The following FSTL5 variants were observed in gnomAD, a reference collection of about 807,000 sequenced individuals.
FSTL5 encodes follistatin-related protein 5.
In FSTL5, 62 loss-of-function variants were observed where a neutral mutation model predicts 89.1. The ratio of observed to expected loss-of-function variants is 0.70; its 90% CI spans 0.57 to 0.86. The LOEUF (loss-of-function observed/expected upper bound fraction) is 0.86. Among genes scored for constraint, FSTL5 ranks in the 40% least tolerant of loss-of-function variants. The probability of loss-of-function intolerance (pLI) is 0.00; values close to 1 mark genes in which losing one functional copy is unlikely to be tolerated. For missense variants in FSTL5, 1,057 were observed against 1,001.6 expected, an observed-to-expected ratio of 1.06 and a Z score of -0.75; for synonymous variants, 383 against 346.2, an observed-to-expected ratio of 1.11 and a Z score of -1.18.
chr4:161,478,748 C>T (rs1729392264), intron 13 of FSTL5, among the ~76,000 whole-genome samples: 1 of 151,788 alleles, frequency 6.6e-6, no homozygotes, highest in Admixed American at 6.6e-5. Context: ...TCTAGGTATG[C>T]CCACAAATGA....
intron 15 of FSTL5, among the ~76,000 whole-genome samples, chr4:161,424,543 A>T (rs1054246567): frequency 2.7e-5 from 4 of 146,740 alleles, no homozygotes; most frequent in African/African-American, 1.0e-4. Flanking sequence ...AAAAAAAAAA[A>T]TGGTTTTCTT....
Position 162,068,781 on chromosome 4 carries a change from G to A in FSTL5, c.127-35123C>T, listed in dbSNP as rs372421094. Among the ~76,000 whole-genome samples the A allele has an allele frequency of 4.6e-5, 7 of 151,960 alleles. No individual in the cohort carries two copies. The East Asian group carries it at 5.8e-4, about 13-fold the overall frequency. On this transcript the variant is annotated intron_variant, in intron 2 of 15. Transcript: ENST00000306100. ...ACTTACAGAGTGGGAGAAAATTTTT[G>A]CAATCTATCCATCGGACAAAGGTCT...
chr4:161,757,619 T>C (rs1740623007), intron 6 of FSTL5, among the ~76,000 whole-genome samples: 2 of 152,116 alleles, frequency 1.3e-5, no homozygotes, highest in South Asian at 4.2e-4. Flanking sequence ...TGTGTTCTTT[T>C]TATTTTTTTA....
At chr4:162,098,460 T>C (rs1196573043) in intron 2 of FSTL5, among the ~76,000 whole-genome samples, 1 of 152,032 alleles carries the variant, frequency 6.6e-6, no homozygotes, top group Non-Finnish European at 1.5e-5. Context: ...GCATGTAACA[T>C]CTGGGCTGTC....
intron 7 of FSTL5, among the ~76,000 whole-genome samples, chr4:161,615,069 C>T (rs1462878997): frequency 1.3e-5 from 2 of 151,742 alleles, no homozygotes; most frequent in African/African-American, 2.4e-5. Context: ...CCAAAGCAGG[C>T]GCATCACAAG....
At chr4:161,758,452 A>T (rs1358240317) in intron 6 of FSTL5, among the ~76,000 whole-genome samples, 1 of 151,880 alleles carries the variant, frequency 6.6e-6, no homozygotes, top group Non-Finnish European at 1.5e-5. Flanking sequence ...TTCTTTTTAC[A>T]CGTAGCTCCT....
At chr4:161,393,854 C>T (rs1289649688) in intron 15 of FSTL5, among the ~76,000 whole-genome samples, 1 of 152,104 alleles carries the variant, frequency 6.6e-6, no homozygotes, top group Non-Finnish European at 1.5e-5. Context: ...ATGGTGGGGG[C>T]TAGTACTCTG....
intron 2 of FSTL5, among the ~76,000 whole-genome samples, chr4:162,056,830 T>C (rs1477262357): frequency 6.6e-6 from 1 of 152,194 alleles, no homozygotes; most frequent in Non-Finnish European, 1.5e-5. Context: ...TATTAAATTA[T>C]TTATACATAT....
rs138480281 is a variant in FSTL5, at chr4:161,438,475, C to T, written c.1841+16529G>A. Among the ~76,000 whole-genome samples, 969 of 152,140 alleles carry T rather than the reference C, an allele frequency of 6.4e-3. 11 individuals carry two copies. The highest frequency in any genetic ancestry group is 0.023 in the African/African-American group (942 of 41,510). ...AAAGTATTTTATCTAAAATCTATTGCCTTTTAATTTTCCCTTTTATGTCTT... is the reference window on the plus strand; with the variant it reads ...AAAGTATTTTATCTAAAATCTATTGTCTTTTAATTTTCCCTTTTATGTCTT... On this transcript the variant is annotated intron_variant, in intron 15 of 15. Transcript: ENST00000306100.
At chr4:161,403,765 A>G (rs1731264931) in intron 15 of FSTL5, among the ~76,000 whole-genome samples, 1 of 152,244 alleles carries the variant, frequency 6.6e-6, no homozygotes, top group African/African-American at 2.4e-5. Context: ...TACAGATTTC[A>G]CTAAATGACA....
intron 13 of FSTL5, among the ~76,000 whole-genome samples, chr4:161,461,470 A>C (rs2126415025): frequency 7.0e-6 from 1 of 142,496 alleles, no homozygotes; most frequent in African/African-American, 2.8e-5. Flanking sequence ...CAAAAAAAAA[A>C]AAAAAAAAAA....
intron 4 of FSTL5, among the ~76,000 whole-genome samples, chr4:161,822,256 T>C (rs925487355): frequency 2.0e-5 from 3 of 152,186 alleles, no homozygotes; most frequent in South Asian, 2.1e-4. Context: ...CTGTGGATGG[T>C]GGTGCCTTTG....
At chr4:162,102,788 A>ATATTTATTTATATT (rs1579029473) in intron 2 of FSTL5, among the ~76,000 whole-genome samples, 4 of 147,616 alleles carry the variant, frequency 2.7e-5, no homozygotes, top group East Asian at 3.9e-4. Context: ...ATATTTATAT[A>ATATTTATTTATATT]TGGAGTGATC....
intron 6 of FSTL5, among the ~76,000 whole-genome samples, chr4:161,683,980 G>A (rs1737616555): frequency 6.6e-6 from 1 of 152,118 alleles, no homozygotes; most frequent in Non-Finnish European, 1.5e-5. Flanking sequence ...TCCCACTTAT[G>A]AGTGAAAACA....
intron 3 of FSTL5, among the ~76,000 whole-genome samples, chr4:162,012,600 C>A (rs1736800087): frequency 6.6e-6 from 1 of 152,038 alleles, no homozygotes; most frequent in African/African-American, 2.4e-5. Context: ...AATTTTAATT[C>A]TACCCTGCCA....
intron 6 of FSTL5, among the ~76,000 whole-genome samples, chr4:161,735,791 G>T (rs76630145): frequency 6.6e-6 from 1 of 152,088 alleles, no homozygotes. Context: ...GTACAGACTC[G>T]CCAGGATATT....
chr4:161,621,300 ACACAC>A (rs1735113904), intron 7 of FSTL5, among the ~76,000 whole-genome samples: 2 of 151,562 alleles, frequency 1.3e-5, no homozygotes, highest in African/African-American at 4.8e-5. Flanking sequence ...ACACACACAC[ACACAC>A]AAACACAAAA....
At chr4:162,046,265 C>A (rs1327486463) in intron 2 of FSTL5, among the ~76,000 whole-genome samples, 4 of 152,198 alleles carry the variant, frequency 2.6e-5, no homozygotes, top group South Asian at 4.1e-4. Flanking sequence ...ACTTACAACA[C>A]AATGTTAAAG....
At chr4:161,874,104 T>G (rs1239900598) in intron 4 of FSTL5, among the ~76,000 whole-genome samples, 1 of 152,114 alleles carries the variant, frequency 6.6e-6, no homozygotes, top group African/African-American at 2.4e-5. Context: ...TTTAAATATA[T>G]TAGATGATAC....
Sources: allele counts gnomAD v4.1 joint callset (sites outside exome capture counted in the v4.1 genomes callset), GRCh38; gene constraint gnomAD v4.1.1; transcripts MANE v1.5; gene names NCBI Gene and HGNC (gene_info 2026-07-23, HGNC 2026-07-21).